The following PTPRD variants were observed in gnomAD, a reference collection of about 807,000 sequenced individuals.
PTPRD encodes the protein receptor-type tyrosine-protein phosphatase delta.
Under a neutral mutation model 214.5 loss-of-function variants are expected in PTPRD, and 34 were observed. The ratio of observed to expected loss-of-function variants is 0.16; its 90% CI spans 0.12 to 0.21. The LOEUF is 0.21. PTPRD is among the 10% of genes least tolerant of loss of function. The probability of loss-of-function intolerance (pLI) is 1.00; values close to 1 mark genes in which losing one functional copy is unlikely to be tolerated. For missense variants in PTPRD, 2,545 were observed against 2,398.7 expected (o/e 1.06, Z -1.27); for synonymous variants, 1,128 against 845.7 (o/e 1.33, Z -5.79).
At chr9:8,398,666 T>C (rs2091771768) in intron 36 of PTPRD, among the ~76,000 whole-genome samples, 1 of 152,116 alleles carries the variant, frequency 6.6e-6, no homozygotes, top group African/African-American at 2.4e-5. Context: ...CTTGAAAGAT[T>C]AAGTTTGCCC....
chr9:9,497,138 T>A (rs1478046957), intron 8 of PTPRD, among the ~76,000 whole-genome samples: 1 of 152,122 alleles, frequency 6.6e-6, no homozygotes, highest in Non-Finnish European at 1.5e-5. Flanking sequence ...AGTTTTAGTT[T>A]TATAAGATGA....
At chr9:8,668,339 G>A (rs1044661479) in intron 12 of PTPRD, among the ~76,000 whole-genome samples, 11 of 152,138 alleles carry the variant, frequency 7.2e-5, no homozygotes, top group African/African-American at 2.4e-4. Context: ...CAAATTAGGT[G>A]AATATTCAAT....
chr9:9,719,603 G>T (rs957323019), intron 7 of PTPRD, among the ~76,000 whole-genome samples: 1 of 152,172 alleles, frequency 6.6e-6, no homozygotes, highest in East Asian at 1.9e-4. Context: ...GACTGAAAGA[G>T]TTGTAACACA....
intron 10 of PTPRD, among the ~76,000 whole-genome samples, chr9:9,062,776 T>C (rs2099709933): frequency 1.3e-5 from 2 of 152,340 alleles, no homozygotes; most frequent in Admixed American, 6.5e-5. Flanking sequence ...ATTTGGTTTC[T>C]ACCTTTATCT....
intron 14 of PTPRD, among the ~76,000 whole-genome samples, chr9:8,593,545 T>C (rs762483246): frequency 2.0e-5 from 3 of 152,208 alleles, no homozygotes; most frequent in Non-Finnish European, 4.4e-5. Flanking sequence ...TTTTGTAAAC[T>C]CCTACTTCCT....
At chr9:8,379,222 A>T (rs2084197583) in intron 37 of PTPRD, among the ~76,000 whole-genome samples, 1 of 152,206 alleles carries the variant, frequency 6.6e-6, no homozygotes, top group Non-Finnish European at 1.5e-5. Flanking sequence ...TATGAAAAAT[A>T]AATATCCTAA....
At chr9:8,942,132 C>T (rs78301117) in intron 11 of PTPRD, among the ~76,000 whole-genome samples, 5,025 of 152,244 alleles carry the variant, frequency 0.033, 132 homozygotes, top group African/African-American at 0.07. Flanking sequence ...ATGCAACCTG[C>T]TAGCATGATT....
chr9:8,825,615 G>T (rs556867534), intron 11 of PTPRD, among the ~76,000 whole-genome samples: 2 of 152,306 alleles, frequency 1.3e-5, no homozygotes, highest in South Asian at 2.1e-4. Flanking sequence ...TGGCAAGAAA[G>T]AATTCATGGT....
At chr9:9,579,706 G>T (rs1296742072) in intron 7 of PTPRD, among the ~76,000 whole-genome samples, 8 of 152,222 alleles carry the variant, frequency 5.3e-5, no homozygotes, top group South Asian at 4.1e-4. Context: ...TAGAGATACA[G>T]ATTGTTTGTG....
intron 5 of PTPRD, among the ~76,000 whole-genome samples, chr9:9,847,219 T>A (rs1470712147): frequency 6.6e-6 from 1 of 152,110 alleles, no homozygotes; most frequent in East Asian, 1.9e-4. Flanking sequence ...AACAACCAAA[T>A]CACATTTGGC....
At chr9:9,466,475 C>T (rs901284161) in intron 8 of PTPRD, among the ~76,000 whole-genome samples, 2 of 152,094 alleles carry the variant, frequency 1.3e-5, no homozygotes, top group African/African-American at 4.8e-5. Flanking sequence ...TTCTGAAGTG[C>T]ATTAGAAAGT....
chr9:10,218,971 A>G (rs533552215), intron 3 of PTPRD, among the ~76,000 whole-genome samples: 1 of 151,856 alleles, frequency 6.6e-6, no homozygotes, highest in African/African-American at 2.4e-5. Context: ...GTAAGAAGAA[A>G]AAATTGTTAC....
At chr9:9,073,604 T>A (rs1216317544) in intron 10 of PTPRD, among the ~76,000 whole-genome samples, 1 of 152,226 alleles carries the variant, frequency 6.6e-6, no homozygotes, top group Non-Finnish European at 1.5e-5. Context: ...ACCTGCAGAC[T>A]GCAACATAGA....
chr9:9,337,850 C>T (rs1279653256), intron 9 of PTPRD, among the ~76,000 whole-genome samples: 1 of 152,192 alleles, frequency 6.6e-6, no homozygotes, highest in Admixed American at 6.5e-5. Context: ...TTACCTCACA[C>T]TTTGTGCTTC....
intron 11 of PTPRD, among the ~76,000 whole-genome samples, chr9:8,843,303 C>A (rs1301283006): frequency 6.6e-6 from 1 of 152,222 alleles, no homozygotes; most frequent in East Asian, 1.9e-4. Flanking sequence ...GTTATCAATT[C>A]ACTTTCCTTG....
Position 8,619,063 on chromosome 9 carries a change from C to A in PTPRD, c.352+14254G>T, listed in dbSNP as rs147967094. On this transcript the variant is annotated intron_variant, in intron 14 of 45. Coordinates refer to ENST00000381196, the MANE Select transcript of PTPRD (RefSeq NM_002839.4). ...GATTGAGCCACTGCACCCAGCCATA[C>A]ATTTATTTTTTAATTGAGACATAAA... Among the ~76,000 whole-genome samples the A allele has an allele frequency of 1.6e-3, 238 of 151,194 alleles. 1 individual carries two copies. The highest frequency in any genetic ancestry group is 5.5e-3 in the African/African-American group (229 of 41,266).
chr9:10,140,720 A>G (rs2098978582), intron 3 of PTPRD, among the ~76,000 whole-genome samples: 1 of 152,172 alleles, frequency 6.6e-6, no homozygotes, highest in Admixed American at 6.6e-5. Context: ...TCAATAGAAA[A>G]AAAAGGGAAT....
intron 10 of PTPRD, among the ~76,000 whole-genome samples, chr9:9,176,631 T>C (rs904819334): frequency 1.3e-5 from 2 of 152,294 alleles, no homozygotes; most frequent in African/African-American, 4.8e-5. Context: ...TCTGCCCTCA[T>C]GAATGAATTC....
chr9:10,231,197 T>C (rs1364418157), intron 3 of PTPRD, among the ~76,000 whole-genome samples: 2 of 151,904 alleles, frequency 1.3e-5, no homozygotes, highest in African/African-American at 4.8e-5. Flanking sequence ...AAGTGTGACA[T>C]ACAAATGTAT....
Sources: gnomAD v4.1 joint callset for allele counts (sites outside exome capture counted in the v4.1 genomes callset) on GRCh38, gnomAD v4.1.1 for gene constraint, MANE v1.5 for transcripts, NCBI Gene and HGNC (gene_info 2026-07-23, HGNC 2026-07-21) for gene names.